LITAF: variants seen among roughly 807,000 people sequenced by gnomAD.
LITAF encodes the protein lipopolysaccharide-induced tumor necrosis factor-alpha factor.
Under a neutral mutation model 14.5 loss-of-function variants are expected in LITAF, and 9 were observed. The observed-to-expected ratio is 0.62, with a 90% CI of 0.37 to 1.08. The LOEUF (loss-of-function observed/expected upper bound fraction) is 1.08, where lower values mean the gene tolerates loss of function less well. LITAF is among the 50% of genes least tolerant of loss of function. The pLI, the probability that LITAF is intolerant of heterozygous loss-of-function variation, is 0.01. For missense variants in LITAF, 206 were observed against 213.4 expected, an observed-to-expected ratio of 0.97 and a Z score of 0.22; for synonymous variants, 98 against 88.2, an observed-to-expected ratio of 1.11 and a Z score of -0.62.
intron 1 of LITAF, chr16:11,636,204 G>A (rs1444664961): frequency 1.3e-5 from 2 of 152,232 alleles, no homozygotes; most frequent in African/African-American, 4.8e-5. Context: ...GATGGAATGG[G>A]TGCTAGTGAA....
Position 11,547,862 on chromosome 16 carries a change from C to T in LITAF, c.*1775G>A. On this transcript the variant is annotated 3_prime_UTR_variant, in exon 4 of 4. Coordinates refer to ENST00000622633, the MANE Select transcript of LITAF (RefSeq NM_001136472.2). ...CTCAACATCGGTCATCTTGACATTG[C>T]AGGATATTCAGCAAGTCTGAAGTTT... 1 of 454,100 alleles carries T rather than the reference C, an allele frequency of 2.2e-6. No individual in the cohort carries two copies. The highest frequency in any genetic ancestry group is 1.6e-5 in the South Asian group (1 of 64,472). The allele number at this position is 454,100 out of a possible 1,614,324, so 28.1% of individuals were successfully genotyped here.
intron 2 of LITAF, among the ~76,000 whole-genome samples, chr16:11,555,002 A>T (rs1379933277): frequency 6.6e-6 from 1 of 152,160 alleles, no homozygotes; most frequent in Non-Finnish European, 1.5e-5. Context: ...CCAGAAAAGT[A>T]GTATTAAATC....
intron 2 of LITAF, among the ~76,000 whole-genome samples, chr16:11,554,787 C>CAA (rs56346206): frequency 3.1e-3 from 199 of 63,730 alleles, no homozygotes; most frequent in Non-Finnish European, 3.8e-3. Context: ...GACTCTACCT[C>CAA]AAAAAAAAAA....
intron 3 of LITAF, among the ~76,000 whole-genome samples, chr16:11,623,638 T>G (rs2065064808): frequency 6.7e-6 from 1 of 149,948 alleles, no homozygotes. Context: ...CTAGCCTGGG[T>G]GACAGAGCGA....
intron 1 of LITAF, among the ~76,000 whole-genome samples, chr16:11,597,050 G>T (rs1217671484): frequency 6.6e-6 from 1 of 152,092 alleles, no homozygotes; most frequent in Non-Finnish European, 1.5e-5. Flanking sequence ...TTTGCACCAG[G>T]TCTGGCTGAT....
At position 11,553,451 on chromosome 16, in the gene LITAF, A is replaced by G. The variant is rs2064213467; in HGVS notation, c.377+82T>C. The G allele has an allele frequency of 7.0e-7, 1 of 1,423,246 alleles. No homozygotes were observed. Among genetic ancestry groups the G allele is most frequent in the Admixed American group, 1.8e-5 (1 of 56,918 alleles). 88.2% of individuals were successfully genotyped at this position (1,423,246 alleles called of 1,614,324 possible). The stretch of plus-strand genomic sequence containing the variant: ...AAATGTCTGGCCCTGAATGTCAAGC[A>G]TGGTGCAGTTGAGAACCCACCCCCG... On this transcript the variant is annotated intron_variant, in intron 3 of 3. Transcript: ENST00000622633. This position sits in a 1 kb window ranked among gnomAD's most constrained non-coding sequence, Gnocchi z 7.7.
chr16:11,623,120 C>T (rs939411395), intron 3 of LITAF, among the ~76,000 whole-genome samples: 2 of 151,532 alleles, frequency 1.3e-5, no homozygotes, highest in East Asian at 2.0e-4. Context: ...CCCACCACCA[C>T]GCCCGGCTAA....
At chr16:11,638,067 T>G (rs1340109163), upstream of LITAF, among the ~76,000 whole-genome samples, 208 of 133,432 alleles carry the variant, frequency 1.6e-3, 14 homozygotes, top group Middle Eastern at 7.4e-3. Flanking sequence ...TATATATATC[T>G]ATATATATAT....
At position 11,610,876 on chromosome 16, in the gene LITAF, G is replaced by C. The variant is rs556672574; in HGVS notation, c.85+22657C>G. Among the ~76,000 whole-genome samples, 3 of 152,256 alleles carry C rather than the reference G, an allele frequency of 2.0e-5. No individual in the cohort carries two copies. The East Asian group carries it at 5.8e-4, about 29-fold the overall frequency. On this transcript the variant is annotated intron_variant, in intron 3 of 3. Coordinates refer to the LITAF transcript ENST00000574848. Reference sequence around the variant, plus strand: ...GGTGGGGCTGGGGAAATGTGAATCAGTGGCCAATTTGTACATGGAAGACGG... The same window carrying C: ...GGTGGGGCTGGGGAAATGTGAATCACTGGCCAATTTGTACATGGAAGACGG...
chr16:11,563,303 C>A (rs1382444350), intron 1 of LITAF, among the ~76,000 whole-genome samples: 1 of 151,992 alleles, frequency 6.6e-6, no homozygotes, highest in African/African-American at 2.4e-5. Context: ...TGCCTGCCAA[C>A]ACGCCCAGCT....
chr16:11,629,516 C>A (rs1381891507), intron 3 of LITAF, among the ~76,000 whole-genome samples: 1 of 143,800 alleles, frequency 7.0e-6, no homozygotes, highest in African/African-American at 2.5e-5. Context: ...CTCGGCCAGT[C>A]GGTCCTTCTG....
rs71406254 is a variant in LITAF, at chr16:11,549,054, TA to T, written c.*582del. ...GTGTTAATAGCCCCCTCCTTGTATTTAAAAAAAAAATTAAGAAATTAAAGTG... is the reference window on the plus strand; with the variant it reads ...GTGTTAATAGCCCCCTCCTTGTATTTAAAAAAAAATTAAGAAATTAAAGTG... On this transcript the variant is annotated 3_prime_UTR_variant, in exon 4 of 4. Coordinates refer to ENST00000622633, the MANE Select transcript of LITAF (RefSeq NM_001136472.2). The surrounding 1 kb of genome is among the most constrained non-coding windows in gnomAD (Gnocchi z 4.6). 1.0e-4 allele frequency: 45 copies of T among 441,756 alleles called. No individual in the cohort carries two copies. The Middle Eastern group carries it at 2.9e-3, about 28-fold the overall frequency. 27.4% of individuals were successfully genotyped at this position (441,756 alleles called of 1,614,324 possible).
In LITAF at chr16:11,618,442, G is replaced by C. The variant is rs187024412; in HGVS notation, c.85+15091C>G. Among the ~76,000 whole-genome samples, 23 of 152,356 alleles carry C rather than the reference G, an allele frequency of 1.5e-4. No homozygotes were observed. The East Asian group carries it at 4.1e-3, about 27-fold the overall frequency. On this transcript the variant is annotated intron_variant, in intron 3 of 3. Coordinates refer to the LITAF transcript ENST00000574848. ...GCAGTCCTGTGGGACTGAGTCCTTT[G>C]ACCGTGCAGTCTGCACTAACTGTGG... is the stretch of plus-strand genomic sequence containing the variant.
At chr16:11,621,018 C>T (rs777523891) in intron 3 of LITAF, among the ~76,000 whole-genome samples, 1 of 152,106 alleles carries the variant, frequency 6.6e-6, no homozygotes, top group Non-Finnish European at 1.5e-5. Flanking sequence ...ACCTCAGTCT[C>T]CTGAGTAGCT....
At chr16:11,556,247 G>A (rs2064265931) in intron 2 of LITAF, 1 of 538,440 alleles carries the variant, frequency 1.9e-6, no homozygotes, top group Non-Finnish European at 3.3e-6. Context: ...AAGAAAGTTG[G>A]TTGTGCCTCC....
At chr16:11,630,599 G>A (rs568290959) in intron 3 of LITAF, among the ~76,000 whole-genome samples, 14 of 140,792 alleles carry the variant, frequency 9.9e-5, no homozygotes, top group South Asian at 2.2e-4. Context: ...TTGGTGGTGA[G>A]ACAGGGTCTC....
chr16:11,549,719 G>A lies in LITAF; in HGVS notation c.404C>T (p.Pro135Leu), dbSNP rs797044848. 1 of 1,613,706 alleles carries A rather than the reference G, an allele frequency of 6.2e-7. No individual in the cohort carries two copies. Among genetic ancestry groups the A allele is most frequent in the Non-Finnish European group, 8.5e-7 (1 of 1,179,782 alleles). ...GTCCTGCAGGGCATCCACGCAGAAG[G>A]GGATGAAGCAGCAGCCCGCTATGCA... ...LGCIAGCCFI[P>L]FCVDALQDVD... The change falls in exon 4 of 4, where the codon CCC becomes CTC. Residue 135 changes from proline (P) to leucine (L), a missense_variant. Transcript: ENST00000622633. The surrounding 1 kb of genome is among the most constrained non-coding windows in gnomAD (Gnocchi z 4.6).
upstream of LITAF, among the ~76,000 whole-genome samples, chr16:11,602,149 C>G (rs187021273): frequency 6.6e-6 from 1 of 152,232 alleles, no homozygotes; most frequent in East Asian, 1.9e-4. Context: ...ATTGCCTGAG[C>G]TCAGGAGTTC....
Position 11,553,827 on chromosome 16 carries a change from G to A in LITAF, c.221-138C>T, listed in dbSNP as rs1006315184. On this transcript the variant is annotated intron_variant, in intron 2 of 3. Coordinates refer to ENST00000622633, the MANE Select transcript of LITAF (RefSeq NM_001136472.2). This position sits in a 1 kb window ranked among gnomAD's most constrained non-coding sequence, Gnocchi z 7.7. Reference sequence around the variant, plus strand: ...TTTGTGTTCATAGCATGCGTTCATCGTCTGGCTATCTATGAGAGCCAAAAG... The same window carrying A: ...TTTGTGTTCATAGCATGCGTTCATCATCTGGCTATCTATGAGAGCCAAAAG... 7.4e-5 allele frequency: 73 copies of A among 988,792 alleles called. No individual in the cohort carries two copies. Among genetic ancestry groups the A allele is most frequent in the Middle Eastern group, 4.7e-4 (2 of 4,238 alleles). 61.3% of individuals were successfully genotyped at this position (988,792 alleles called of 1,614,324 possible). A position where few individuals can be genotyped will look rare whatever the true frequency, so the allele number is the denominator to read the frequency against.
Sources: gnomAD v4.1 joint callset for allele counts (sites outside exome capture counted in the v4.1 genomes callset) on GRCh38, gnomAD v4.1.1 for gene constraint, Gnocchi (gnomAD v3.1) non-coding constraint, MANE v1.5 for transcripts, NCBI Gene and HGNC (gene_info 2026-07-23, HGNC 2026-07-21) for gene names.